The following SORCS1 variants were observed in gnomAD, a reference collection of about 807,000 sequenced individuals.
SORCS1 encodes sortilin related VPS10 domain containing receptor 1.
SORCS1 carries 60 observed loss-of-function variants against 146.1 expected under a neutral mutation model. The ratio of observed to expected loss-of-function variants is 0.41; its 90% CI spans 0.33 to 0.51. SORCS1 has a LOEUF of 0.51. Among genes scored for constraint, SORCS1 ranks in the 20% least tolerant of loss-of-function variants. The pLI, the probability that SORCS1 is intolerant of heterozygous loss-of-function variation, is 0.21. For synonymous variants in SORCS1, 637 were observed against 584.0 expected (o/e 1.09, Z -1.31); for missense variants, 1,352 against 1,487.6 (o/e 0.91, Z 1.50).
chr10:106,962,905 G>T, intron 1 of SORCS1, among the ~76,000 whole-genome samples: 1 of 152,154 alleles, frequency 6.6e-6, no homozygotes, highest in South Asian at 2.1e-4. Flanking sequence ...AGGCCTTAGT[G>T]TTTTTTCATT....
intron 1 of SORCS1, among the ~76,000 whole-genome samples, chr10:106,967,486 A>T (rs1403909334): frequency 6.6e-6 from 1 of 152,210 alleles, no homozygotes; most frequent in Admixed American, 6.5e-5. Context: ...GAAAATGCAT[A>T]TTCAAGACAA....
chr10:107,109,617 C>T (rs1965548943), intron 1 of SORCS1, among the ~76,000 whole-genome samples: 1 of 152,210 alleles, frequency 6.6e-6, no homozygotes, highest in Non-Finnish European at 1.5e-5. Flanking sequence ...CTGCCACAAA[C>T]CTCTCTGAAA....
chr10:107,109,263 G>A (rs935985576), intron 1 of SORCS1, among the ~76,000 whole-genome samples: 22 of 152,248 alleles, frequency 1.4e-4, no homozygotes, highest in Non-Finnish European at 3.2e-4. Flanking sequence ...TGCTGCCCTA[G>A]TAGAGGTTCT....
At chr10:106,795,195 G>A (rs1402814369) in intron 3 of SORCS1, among the ~76,000 whole-genome samples, 1 of 152,178 alleles carries the variant, frequency 6.6e-6, no homozygotes, top group African/African-American at 2.4e-5. Context: ...GGTTCCTTTG[G>A]TTTATTAAAG....
At chr10:107,022,564 A>C (rs892028058) in intron 1 of SORCS1, among the ~76,000 whole-genome samples, 1 of 152,208 alleles carries the variant, frequency 6.6e-6, no homozygotes, top group East Asian at 1.9e-4. Context: ...TCCTACAGTC[A>C]TTAGCATGTC....
At chr10:106,658,867 T>G (rs1383761214) in intron 17 of SORCS1, among the ~76,000 whole-genome samples, 1 of 152,172 alleles carries the variant, frequency 6.6e-6, no homozygotes, top group Non-Finnish European at 1.5e-5. Flanking sequence ...AAAGCAGTAG[T>G]GGTGGCAGCC....
intron 3 of SORCS1, among the ~76,000 whole-genome samples, chr10:106,801,670 C>T (rs1490279516): frequency 1.3e-5 from 2 of 152,002 alleles, no homozygotes; most frequent in Non-Finnish European, 2.9e-5. Flanking sequence ...GCTGGGACTA[C>T]AGGCGCCCGC....
At chr10:106,826,901 T>C (rs1236470665) in intron 3 of SORCS1, among the ~76,000 whole-genome samples, 1 of 152,204 alleles carries the variant, frequency 6.6e-6, no homozygotes, top group Admixed American at 6.5e-5. Context: ...TTTGTAGAAC[T>C]AGGGTGTGTC....
At chr10:107,101,429 T>C (rs75664034) in intron 1 of SORCS1, among the ~76,000 whole-genome samples, 7,135 of 152,264 alleles carry the variant, frequency 0.047, 537 homozygotes, top group African/African-American at 0.16. Context: ...CAACCAAAGT[T>C]CACAGTTTAC....
intron 1 of SORCS1, among the ~76,000 whole-genome samples, chr10:107,160,158 G>A (rs930868144): frequency 5.9e-5 from 9 of 152,154 alleles, no homozygotes; most frequent in African/African-American, 1.7e-4. Flanking sequence ...CTAAGAGTAC[G>A]TCCTCCTCCA....
intron 9 of SORCS1, among the ~76,000 whole-genome samples, chr10:106,692,078 G>A (rs1853337338): frequency 6.6e-6 from 1 of 152,064 alleles, no homozygotes. Context: ...CTCTCTCTCT[G>A]GCACCTAAGC....
At chr10:106,915,352 A>G (rs984848355) in intron 2 of SORCS1, among the ~76,000 whole-genome samples, 2 of 152,188 alleles carry the variant, frequency 1.3e-5, no homozygotes, top group African/African-American at 4.8e-5. Flanking sequence ...ATGCATTTCT[A>G]CCAATAAAAC....
chr10:106,894,254 C>CGCGCGCGCACGTGTGCGTGTGTGTGT (rs1951367115), intron 2 of SORCS1, among the ~76,000 whole-genome samples: 2 of 142,644 alleles, frequency 1.4e-5, no homozygotes, highest in African/African-American at 2.6e-5. Flanking sequence ...TGTGTGTGTG[C>CGCGCGCGCACGTGTGCGTGTGTGTGT]GCGCGCGCAC....
intron 1 of SORCS1, among the ~76,000 whole-genome samples, chr10:106,965,231 A>G (rs1431802340): frequency 2.6e-5 from 4 of 152,070 alleles, no homozygotes; most frequent in Non-Finnish European, 4.4e-5. Context: ...CCTCTGGTGT[A>G]TACATGGGTT....
chr10:106,764,851 G>A (rs1306879635), intron 4 of SORCS1, among the ~76,000 whole-genome samples: 3 of 151,750 alleles, frequency 2.0e-5, no homozygotes, highest in African/African-American at 4.8e-5. Flanking sequence ...GTGAAACTCC[G>A]TCTCTACTAA....
At chr10:106,829,758 A>G in intron 2 of SORCS1, 85 bp from the exon 3 acceptor site, 1 of 948,748 alleles carries the variant, frequency 1.1e-6, no homozygotes, top group Admixed American at 1.9e-5. Context: ...TACACAGTAG[A>G]ATGGCTCTCA....
chr10:106,699,532 A>C, intron 8 of SORCS1, 139 bp from the exon 9 acceptor site: 1 of 656,944 alleles, frequency 1.5e-6, no homozygotes, highest in South Asian at 2.7e-5. Context: ...TGCATATATA[A>C]GAAATAATAG....
chr10:106,712,784 T>C (rs1375447284), intron 6 of SORCS1, among the ~76,000 whole-genome samples: 3 of 152,202 alleles, frequency 2.0e-5, no homozygotes, highest in African/African-American at 7.2e-5. Flanking sequence ...ATATTCCAGT[T>C]ATATTTCTGA....
At chr10:106,578,986 G>A in intron 25 of SORCS1, 1 of 1,485,206 alleles carries the variant, frequency 6.7e-7, no homozygotes, top group Non-Finnish European at 8.9e-7. Context: ...TCTCAGGGGT[G>A]TTAGAGCAAA....
Sources: gnomAD v4.1 joint callset for allele counts (sites outside exome capture counted in the v4.1 genomes callset) on GRCh38, gnomAD v4.1.1 for gene constraint, MANE v1.5 for transcripts, NCBI Gene and HGNC (gene_info 2026-07-23, HGNC 2026-07-21) for gene names.